DPYD: variants seen among roughly 807,000 people sequenced by gnomAD.
The protein encoded by DPYD is dihydropyrimidine dehydrogenase [NADP(+)].
A neutral mutation model predicts 116.2 loss-of-function variants in DPYD; 109 were observed. That is an observed-to-expected ratio of 0.94 (90% CI 0.80 to 1.10). The LOEUF is 1.10. Ranked by LOEUF, DPYD falls within the 50% of genes least tolerant of loss-of-function variation. The pLI, the probability that DPYD is intolerant of heterozygous loss-of-function variation, is 0.00. For missense variants in DPYD, 1,302 were observed against 1,254.5 expected (o/e 1.04, Z -0.57); for synonymous variants, 440 against 432.0 (o/e 1.02, Z -0.23).
intron 20 of DPYD, among the ~76,000 whole-genome samples, chr1:97,191,392 C>T (rs1184862516): frequency 6.6e-6 from 1 of 152,052 alleles, no homozygotes; most frequent in East Asian, 1.9e-4. Context: ...TCTGCTTATT[C>T]CTCAAGTTAG....
chr1:97,211,991 A>G (rs1023299349), intron 19 of DPYD, among the ~76,000 whole-genome samples: 2 of 152,152 alleles, frequency 1.3e-5, no homozygotes, highest in African/African-American at 4.8e-5. Context: ...CAGATTTCAA[A>G]ATTCAGTATT....
intron 16 of DPYD, among the ~76,000 whole-genome samples, chr1:97,319,348 G>T (rs1433343462): frequency 2.0e-5 from 3 of 146,766 alleles, no homozygotes; most frequent in Non-Finnish European, 4.5e-5. Flanking sequence ...GACTAATAAA[G>T]AAAAAAAGAG....
chr1:97,465,807 T>A (rs184243385), intron 13 of DPYD, among the ~76,000 whole-genome samples: 1 of 152,150 alleles, frequency 6.6e-6, no homozygotes, highest in East Asian at 1.9e-4. Flanking sequence ...TGTAGCTCGA[T>A]TATCTTGGGC....
chr1:97,465,719 T>C (rs1027996412), intron 13 of DPYD, among the ~76,000 whole-genome samples: 2 of 152,188 alleles, frequency 1.3e-5, no homozygotes, highest in South Asian at 2.1e-4. Flanking sequence ...TAAACTTCTT[T>C]CTTTTGTAAA....
At chr1:97,495,865 CTA>C (rs756221918) in intron 13 of DPYD, among the ~76,000 whole-genome samples, 33 of 152,066 alleles carry the variant, frequency 2.2e-4, no homozygotes, top group Non-Finnish European at 4.6e-4. Context: ...GCATTAGTAC[CTA>C]TATCACATCT....
rs1439125655 is a variant in DPYD at position 97,496,326 on chromosome 1, A to G, written c.1740+19400T>C. Among the ~76,000 whole-genome samples, 9 of 152,120 alleles carry G rather than the reference A, an allele frequency of 5.9e-5. No individual in the cohort carries two copies. In the South Asian group the frequency reaches 1.5e-3, roughly 25 times the overall value. On this transcript the variant is annotated intron_variant, in intron 13 of 22. Coordinates refer to ENST00000370192, the MANE Select transcript of DPYD (RefSeq NM_000110.4). ...TATTCCTCTCCACTCTATCCTCAAC[A>G]TCCAAGCACATTGCCTAGAAATAAT... is the stretch of plus-strand genomic sequence containing the variant.
chr1:97,792,392 C>CA (rs974349098), intron 3 of DPYD, among the ~76,000 whole-genome samples: 12 of 151,778 alleles, frequency 7.9e-5, no homozygotes, highest in African/African-American at 2.9e-4. Flanking sequence ...TCTCTGCTTC[C>CA]AGGCAGCCAA....
intron 12 of DPYD, chr1:97,547,005 A>AT: frequency 6.4e-7 from 1 of 1,566,548 alleles, no homozygotes. Flanking sequence ...CATATTTGCA[A>AT]TTTTTTGCTG....
chr1:97,523,330 T>G (rs1648825260), intron 12 of DPYD, among the ~76,000 whole-genome samples: 1 of 152,204 alleles, frequency 6.6e-6, no homozygotes, highest in Non-Finnish European at 1.5e-5. Flanking sequence ...TTTTAAAGTT[T>G]GCTTTCTTCA....
intron 10 of DPYD, among the ~76,000 whole-genome samples, chr1:97,590,886 A>G (rs1654458181): frequency 6.6e-6 from 1 of 152,176 alleles, no homozygotes; most frequent in Non-Finnish European, 1.5e-5. Flanking sequence ...AGCCATTTTA[A>G]AATTTAAATC....
chr1:97,363,028 A>G (rs11165849), intron 16 of DPYD, among the ~76,000 whole-genome samples: 141,669 of 152,210 alleles, frequency 0.93, 66,792 homozygotes, highest in East Asian at 1. Context: ...CCTACAGAAT[A>G]GGAGAAAATT....
At chr1:97,585,574 A>T (rs909879211) in intron 10 of DPYD, among the ~76,000 whole-genome samples, 4 of 152,302 alleles carry the variant, frequency 2.6e-5, no homozygotes, top group East Asian at 1.9e-4. Context: ...AAATTTTAAA[A>T]TTTTTTAAAA....
At chr1:97,237,615 G>T (rs981291628) in intron 18 of DPYD, among the ~76,000 whole-genome samples, 2 of 152,120 alleles carry the variant, frequency 1.3e-5, no homozygotes, top group Non-Finnish European at 1.5e-5. Flanking sequence ...AATTTATAGT[G>T]AGAATACAAA....
intron 14 of DPYD, among the ~76,000 whole-genome samples, chr1:97,383,741 A>G (rs2101571342): frequency 6.6e-6 from 1 of 152,234 alleles, no homozygotes; most frequent in Admixed American, 6.5e-5. Context: ...GCTTTTAACG[A>G]CTAGGTTTTG....
At chr1:97,555,927 C>A (rs941463458) in intron 11 of DPYD, among the ~76,000 whole-genome samples, 4 of 152,142 alleles carry the variant, frequency 2.6e-5, no homozygotes, top group African/African-American at 9.7e-5. Flanking sequence ...AGTAGTACCT[C>A]CCAATTTAAA....
chr1:97,919,018 C>T (rs1223805401), intron 1 of DPYD, among the ~76,000 whole-genome samples: 6 of 152,162 alleles, frequency 3.9e-5, no homozygotes, highest in Non-Finnish European at 7.4e-5. Context: ...TTTGGTAAAT[C>T]AATAGGATCA....
At chr1:97,395,408 T>C (rs1383666214) in intron 14 of DPYD, among the ~76,000 whole-genome samples, 1 of 151,982 alleles carries the variant, frequency 6.6e-6, no homozygotes, top group Non-Finnish European at 1.5e-5. Context: ...TGGAGAATCT[T>C]ATACTGATAA....
chr1:97,112,468 C>T (rs773493352), intron 20 of DPYD, among the ~76,000 whole-genome samples: 1 of 152,012 alleles, frequency 6.6e-6, no homozygotes, highest in Non-Finnish European at 1.5e-5. Flanking sequence ...AAAGCAAGAC[C>T]ATTCTGTAGC....
intron 14 of DPYD, among the ~76,000 whole-genome samples, chr1:97,416,526 A>G (rs1479349981): frequency 6.6e-6 from 1 of 152,216 alleles, no homozygotes; most frequent in Non-Finnish European, 1.5e-5. Flanking sequence ...GTATACAGTG[A>G]CATGCTTCCA....
Sources: allele counts gnomAD v4.1 joint callset (sites outside exome capture counted in the v4.1 genomes callset), GRCh38; gene constraint gnomAD v4.1.1; transcripts MANE v1.5; gene names NCBI Gene and HGNC (gene_info 2026-07-23, HGNC 2026-07-21).